Variants in PRKN observed in about 807,000 individuals in gnomAD.
PRKN encodes E3 ubiquitin-protein ligase parkin.
In PRKN, 56 loss-of-function variants were observed where a neutral mutation model predicts 59.5. The observed-to-expected ratio is 0.94, with a 90% CI of 0.76 to 1.18. The LOEUF (loss-of-function observed/expected upper bound fraction) is 1.18, where lower values mean the gene tolerates loss of function less well. PRKN is among the 50% of genes most tolerant of loss of function. The pLI is 0.00. For missense variants in PRKN, 657 were observed against 596.4 expected (o/e 1.10, Z -1.06); for synonymous variants, 250 against 222.1 (o/e 1.13, Z -1.12).
intron 7 of PRKN, among the ~76,000 whole-genome samples, chr6:161,717,131 T>C (rs1272998145): frequency 1.3e-5 from 2 of 152,196 alleles, no homozygotes; most frequent in Non-Finnish European, 2.9e-5. Context: ...CCATTTGTGG[T>C]CCTGTAACAG....
At chr6:161,663,569 T>G (rs1784623157) in intron 7 of PRKN, among the ~76,000 whole-genome samples, 1 of 152,192 alleles carries the variant, frequency 6.6e-6, no homozygotes, top group South Asian at 2.1e-4. Context: ...ACAGCCTCAC[T>G]GCAGTTCATG....
intron 7 of PRKN, among the ~76,000 whole-genome samples, chr6:161,767,760 TG>T (rs1304101743): frequency 2.1e-3 from 100 of 48,744 alleles, no homozygotes; most frequent in Non-Finnish European, 3.6e-3. Context: ...CTGTCCTGGC[TG>T]GGGGTGGGGG....
At chr6:162,133,016 A>G (rs1364621143) in intron 4 of PRKN, among the ~76,000 whole-genome samples, 2 of 152,198 alleles carry the variant, frequency 1.3e-5, no homozygotes, top group Non-Finnish European at 2.9e-5. Flanking sequence ...ATGTGCTTGG[A>G]GAGATGGCCA....
At chr6:161,902,572 T>A (rs1472744682) in intron 6 of PRKN, among the ~76,000 whole-genome samples, 6 of 67,024 alleles carry the variant, frequency 9.0e-5, no homozygotes, top group South Asian at 4.4e-4. Flanking sequence ...TTATTTTTTT[T>A]TTTTTGCGAC....
chr6:161,829,693 G>A (rs1053494682), intron 6 of PRKN, among the ~76,000 whole-genome samples: 2 of 152,094 alleles, frequency 1.3e-5, no homozygotes, highest in African/African-American at 4.8e-5. Flanking sequence ...GCCCCTGCAG[G>A]ATGCCCCGGA....
intron 6 of PRKN, among the ~76,000 whole-genome samples, chr6:161,794,710 C>T (rs1790768300): frequency 1.3e-5 from 2 of 152,124 alleles, no homozygotes; most frequent in African/African-American, 4.8e-5. Context: ...ATGCTCCCAT[C>T]CCTACAGGCA....
At chr6:162,408,962 C>T (rs537529444) in intron 2 of PRKN, among the ~76,000 whole-genome samples, 1 of 151,690 alleles carries the variant, frequency 6.6e-6, no homozygotes, top group South Asian at 2.1e-4. Flanking sequence ...TCCTCCCCTC[C>T]CCGCTCCTTG....
chr6:161,438,066 G>A lies in PRKN; in HGVS notation c.1084-51189C>T, dbSNP rs1036071184. Reference sequence around the variant, plus strand: ...AGTCAGGATGATGGTATGTGGGTCCGTGATGCTATATTCCATGGGTTAATA... The same window carrying A: ...AGTCAGGATGATGGTATGTGGGTCCATGATGCTATATTCCATGGGTTAATA... On this transcript the variant is annotated intron_variant, in intron 9 of 11. Coordinates refer to ENST00000366898, the MANE Select transcript of PRKN (RefSeq NM_004562.3). Among the ~76,000 whole-genome samples the A allele has an allele frequency of 5.3e-5, 8 of 152,070 alleles. No individual in the cohort carries two copies. The South Asian group carries it at 8.3e-4, about 16-fold the overall frequency.
chr6:162,613,028 C>T (rs1209080319), intron 1 of PRKN, among the ~76,000 whole-genome samples: 1 of 152,180 alleles, frequency 6.6e-6, no homozygotes, highest in Non-Finnish European at 1.5e-5. Context: ...ACCAACAAGA[C>T]ATACCAATTA....
intron 1 of PRKN, among the ~76,000 whole-genome samples, chr6:162,549,575 G>T (rs537573000): frequency 1.3e-5 from 2 of 151,682 alleles, no homozygotes; most frequent in Non-Finnish European, 2.9e-5. Context: ...CCCTACCATT[G>T]AGTAGATAAC....
At chr6:162,351,781 G>A (rs1562693862) in intron 2 of PRKN, among the ~76,000 whole-genome samples, 1 of 152,116 alleles carries the variant, frequency 6.6e-6, no homozygotes, top group African/African-American at 2.4e-5. Context: ...TGATTGTAAT[G>A]GATGAAAGAA....
intron 1 of PRKN, among the ~76,000 whole-genome samples, chr6:162,588,297 C>T (rs1024483574): frequency 6.6e-5 from 10 of 151,120 alleles, no homozygotes; most frequent in Non-Finnish European, 1.0e-4. Flanking sequence ...AGGTGTGCAC[C>T]GCGGCGCCCA....
At position 161,359,944 on chromosome 6, in the gene PRKN, A is replaced by G. The variant is rs113185630; in HGVS notation, c.1285+144T>C. Reference sequence around the variant, plus strand: ...TGTAACAAAAACAATAATAATAGTGATAATGGGTAACATTAATCGAGGGGT... The same window carrying G: ...TGTAACAAAAACAATAATAATAGTGGTAATGGGTAACATTAATCGAGGGGT... On this transcript the variant is annotated intron_variant, in intron 11 of 11. Coordinates refer to ENST00000366898, the MANE Select transcript of PRKN (RefSeq NM_004562.3). This position sits in a 1 kb window ranked among gnomAD's most constrained non-coding sequence, Gnocchi z 5.4. 18 of 733,620 alleles carry G rather than the reference A, an allele frequency of 2.5e-5. No homozygotes were observed. The highest frequency in any genetic ancestry group is 1.3e-4 in the South Asian group (9 of 66,946). 45.4% of individuals were successfully genotyped at this position (733,620 alleles called of 1,614,324 possible).
At chr6:162,614,378 C>T (rs1487477307) in intron 1 of PRKN, among the ~76,000 whole-genome samples, 2 of 152,140 alleles carry the variant, frequency 1.3e-5, no homozygotes, top group East Asian at 1.9e-4. Context: ...GCTTTACATG[C>T]CATTTTAGTG....
intron 4 of PRKN, among the ~76,000 whole-genome samples, chr6:162,154,177 T>A (rs1782397870): frequency 6.6e-6 from 1 of 152,044 alleles, no homozygotes; most frequent in Non-Finnish European, 1.5e-5. Context: ...AAAACAGTGG[T>A]CAAAGCCAGT....
chr6:161,946,414 ACTCTCT>A (rs61537965), intron 6 of PRKN, among the ~76,000 whole-genome samples: 3,985 of 114,340 alleles, frequency 0.035, 82 homozygotes, highest in Admixed American at 0.062. Flanking sequence ...ACACACACAC[ACTCTCT>A]CTCTCTCTCT....
rs564117850 is a variant in PRKN at position 161,471,982 on chromosome 6, C to T, written c.1083+76872G>A. ...AGACATTAAAAAAAAATACTGAAGC[C>T]TATGAAGAAGAAGTTCTCTCTCATT... On this transcript the variant is annotated intron_variant, in intron 9 of 11. Coordinates refer to ENST00000366898, the MANE Select transcript of PRKN (RefSeq NM_004562.3). This position sits in a 1 kb window ranked among gnomAD's most constrained non-coding sequence, Gnocchi z 4.5. 2.6e-4 allele frequency among the ~76,000 whole-genome samples: 39 copies of T among 152,086 alleles called. No individual in the cohort carries two copies. The highest frequency in any genetic ancestry group is 4.6e-4 in the Non-Finnish European group (31 of 68,002).
intron 2 of PRKN, among the ~76,000 whole-genome samples, chr6:162,342,053 G>A (rs1028690689): frequency 2.6e-5 from 4 of 152,024 alleles, no homozygotes; most frequent in African/African-American, 7.2e-5. Context: ...AGTGACTCTT[G>A]CATGGCTCTT....
intron 6 of PRKN, among the ~76,000 whole-genome samples, chr6:161,938,389 G>C (rs1293688119): frequency 6.6e-6 from 1 of 152,152 alleles, no homozygotes; most frequent in Non-Finnish European, 1.5e-5. Flanking sequence ...TAATAAATAA[G>C]AGCAATTTTA....
Sources: allele counts gnomAD v4.1 joint callset (sites outside exome capture counted in the v4.1 genomes callset), GRCh38; gene constraint gnomAD v4.1.1; non-coding constraint Gnocchi (gnomAD v3.1); transcripts MANE v1.5; gene names NCBI Gene and HGNC (gene_info 2026-07-23, HGNC 2026-07-21).